Variants in FAN1 observed in about 807,000 individuals in gnomAD.
The protein encoded by FAN1 is FANCD2 and FANCI associated nuclease 1, also known as fanconi-associated nuclease 1.
In FAN1, 91 loss-of-function variants were observed where a neutral mutation model predicts 104.9. The ratio of observed to expected loss-of-function variants is 0.87; its 90% CI spans 0.73 to 1.03. The LOEUF (loss-of-function observed/expected upper bound fraction) is 1.03. Ranked by LOEUF, FAN1 falls within the 50% of genes least tolerant of loss-of-function variation. The pLI is 0.00. For synonymous variants in FAN1, 478 were observed against 457.6 expected, an observed-to-expected ratio of 1.04 and a Z score of -0.57; for missense variants, 1,263 against 1,239.9, an observed-to-expected ratio of 1.02 and a Z score of -0.28.
At chr15:30,912,586 T>C (rs1176294571) in intron 4 of FAN1, among the ~76,000 whole-genome samples, 2 of 152,148 alleles carry the variant, frequency 1.3e-5, no homozygotes, top group Non-Finnish European at 2.9e-5. Flanking sequence ...TTCAACTCCA[T>C]GATGGTGGCA....
chr15:30,928,692 C>T, intron 11 of FAN1, 36 bp downstream of exon 11: 1 of 1,612,880 alleles, frequency 6.2e-7, no homozygotes. Flanking sequence ...GTAGGTCCTT[C>T]TGCACACATC....
chr15:30,914,690 T>C (rs771986892), intron 5 of FAN1, among the ~76,000 whole-genome samples: 3 of 152,228 alleles, frequency 2.0e-5, no homozygotes, highest in Non-Finnish European at 2.9e-5. Context: ...CACAGACATA[T>C]TAACAAACTT....
intron 14 of FAN1, among the ~76,000 whole-genome samples, chr15:30,938,101 G>A (rs957048150): frequency 6.6e-6 from 1 of 151,808 alleles, no homozygotes; most frequent in African/African-American, 2.4e-5. Context: ...GGAGGATGGC[G>A]TGAACCCGGG....
At chr15:30,927,385 G>A in intron 10 of FAN1, 1 of 985,550 alleles carries the variant, frequency 1.0e-6, no homozygotes, top group Non-Finnish European at 1.2e-6. Context: ...CTTGGCAACA[G>A]CCAGGAGTCC....
intron 14 of FAN1, chr15:30,938,919 T>C (rs1265669480): frequency 1.0e-6 from 1 of 985,336 alleles, no homozygotes; most frequent in Non-Finnish European, 1.2e-6. Flanking sequence ...TTCCAGTAGA[T>C]GATTTCATAC....
intron 6 of FAN1, among the ~76,000 whole-genome samples, chr15:30,919,378 C>CAAA (rs34395788): frequency 1.9e-4 from 14 of 75,116 alleles, no homozygotes; most frequent in African/African-American, 6.2e-4. Context: ...AACTCCGTCT[C>CAAA]AAAAAAAAAA....
In FAN1 at chr15:30,904,642, AC is replaced by A; in HGVS notation, c.-21del. The A allele has an allele frequency of 6.2e-7, 1 of 1,608,000 alleles. No individual in the cohort carries two copies. Among genetic ancestry groups the A allele is most frequent in the South Asian group, 1.1e-5 (1 of 90,134 alleles). On this transcript the variant is annotated 5_prime_UTR_variant, in exon 2 of 15. It removes the in-frame stop codon of an upstream open reading frame in the 5' UTR. Coordinates refer to ENST00000362065, the MANE Select transcript of FAN1 (RefSeq NM_014967.5). ...AATATCCTGTGTTTTATTGCTCAGAACATCCAGTTTTTCTAATACTCATGAT... is the reference window on the plus strand; with the variant it reads ...AATATCCTGTGTTTTATTGCTCAGAAATCCAGTTTTTCTAATACTCATGAT...
At chr15:30,929,485 T>C (rs2140945324) in intron 12 of FAN1, 88 bp downstream of exon 12, 5 of 858,532 alleles carry the variant, frequency 5.8e-6, no homozygotes, top group Non-Finnish European at 8.9e-6. Context: ...AAAATACACA[T>C]GTGTGTATAT....
chr15:30,923,824 T>G (rs1488085373), intron 8 of FAN1, among the ~76,000 whole-genome samples: 2 of 152,250 alleles, frequency 1.3e-5, no homozygotes, highest in African/African-American at 2.4e-5. Context: ...TCTTTCACTT[T>G]TTATGTTTCT....
intron 11 of FAN1, 164 bp downstream of exon 11, chr15:30,928,820 A>C: frequency 1.0e-6 from 1 of 974,648 alleles, no homozygotes; most frequent in African/African-American, 1.8e-5. Flanking sequence ...TCTGAGTAAT[A>C]GAATTTAAGA....
At chr15:30,925,103 A>G (rs1327561890) in intron 8 of FAN1, 24 bp from the exon 9 acceptor site, 2 of 1,592,202 alleles carry the variant, frequency 1.3e-6, no homozygotes, top group Non-Finnish European at 1.7e-6. Flanking sequence ...TAGGAGCCTG[A>G]TGTGTGACCA....
rs137920161 is a variant in FAN1, at chr15:30,905,445, C to G, written c.782C>G (p.Ala261Gly). The change falls in exon 2 of 15, where the codon GCG (alanine) becomes GGG (glycine). Residue 261 changes from alanine to glycine, a missense_variant. Transcript: ENST00000362065. ...SALTPGFSDN[A>G]IMLFSPDFTL... ...CTCACCCCTGGATTCTCAGATAATG[C>G]GATCATGTTATTCTCACCAGATTTC... 3.1e-6 allele frequency: 5 copies of G among 1,613,726 alleles called. No homozygotes were observed. The African/African-American group carries it at 6.7e-5, about 22-fold the overall frequency.
At chr15:30,939,328 G>A (rs1416987137) in intron 14 of FAN1, 1 of 985,444 alleles carries the variant, frequency 1.0e-6, no homozygotes, top group East Asian at 1.1e-4. Flanking sequence ...CTCAGCACGG[G>A]CTCTGCTGGC....
At position 30,905,774 on chromosome 15, in the gene FAN1, G is replaced by A. The variant is rs142597944; in HGVS notation, c.1111G>A (p.Gly371Ser). The change falls in exon 2 of 15, where the codon GGT becomes AGT. Residue 371 changes from glycine to serine, a missense_variant. Transcript: ENST00000362065. ...SSCNGPGQTT[G>S]HPYYLRSFLV... is the part of the protein sequence containing the mutation. ...CTGCAATGGTCCTGGTCAAACAACC[G>A]GTCATCCTTACTACCTTCGGAGTTT... 125 of 1,614,176 alleles carry A rather than the reference G, an allele frequency of 7.7e-5. No homozygotes were observed. The African/African-American group carries it at 1.1e-3, about 15-fold the overall frequency.
intron 14 of FAN1, 51 bp downstream of exon 14, chr15:30,937,310 T>C: frequency 2.0e-6 from 3 of 1,522,954 alleles, no homozygotes; most frequent in Non-Finnish European, 1.8e-6. Context: ...TTTTCAAGAG[T>C]ATAAAACATG....
intron 14 of FAN1, chr15:30,939,294 G>T: frequency 2.0e-6 from 2 of 985,462 alleles, no homozygotes; most frequent in South Asian, 9.4e-5. Flanking sequence ...TTCACCCAGT[G>T]CATCAGCATC....
intron 12 of FAN1, among the ~76,000 whole-genome samples, 184 bp downstream of exon 12, chr15:30,929,581 ATAT>A (rs1172525609): frequency 2.3e-5 from 3 of 131,186 alleles, no homozygotes; most frequent in African/African-American, 8.7e-5. Flanking sequence ...TATATTTATT[ATAT>A]TATATATTAT....
intron 9 of FAN1, 107 bp downstream of exon 9, chr15:30,925,398 C>A: frequency 9.2e-7 from 1 of 1,092,138 alleles, no homozygotes; most frequent in Non-Finnish European, 1.3e-6. Flanking sequence ...CTTTTAGACT[C>A]GGAATAATCT....
chr15:30,927,518 C>G, intron 10 of FAN1: 1 of 985,764 alleles, frequency 1.0e-6, no homozygotes, highest in Non-Finnish European at 1.2e-6. Flanking sequence ...GTGACCCAGG[C>G]AGGCATGACG....
Sources: allele counts gnomAD v4.1 joint callset (sites outside exome capture counted in the v4.1 genomes callset), GRCh38; gene constraint gnomAD v4.1.1; transcripts MANE v1.5; gene names NCBI Gene and HGNC (gene_info 2026-07-23, HGNC 2026-07-21).